The following ARHGEF38 variants were observed in gnomAD, a reference collection of about 807,000 sequenced individuals.
The protein encoded by ARHGEF38 is Rho guanine nucleotide exchange factor 38, also known as Rho guanine nucleotide exchange factor (GEF) 38.
Under a neutral mutation model 79.9 loss-of-function variants are expected in ARHGEF38, and 79 were observed. That is an observed-to-expected ratio of 0.99 (90% CI 0.82 to 1.19). ARHGEF38 has a LOEUF of 1.19. Among genes scored for constraint, ARHGEF38 ranks in the 50% most tolerant of loss-of-function variants. ARHGEF38 has a pLI of 0.00. For missense variants in ARHGEF38, 962 were observed against 907.2 expected, an observed-to-expected ratio of 1.06 and a Z score of -0.78; for synonymous variants, 366 against 328.3, an observed-to-expected ratio of 1.11 and a Z score of -1.24.
intron 1 of ARHGEF38, among the ~76,000 whole-genome samples, chr4:105,578,254 A>G (rs1186641440): frequency 1.3e-5 from 2 of 152,084 alleles, no homozygotes; most frequent in Non-Finnish European, 2.9e-5. Flanking sequence ...TGTGGAGTTA[A>G]TTTCTAGTTT....
In ARHGEF38 at chr4:105,669,204, T is replaced by TATA. The variant is rs200328033; in HGVS notation, c.2148+1501_2148+1502insATA. 2.1e-3 allele frequency among the ~76,000 whole-genome samples: 317 copies of TATA among 152,218 alleles called. 2 individuals are homozygous for TATA. The highest frequency in any genetic ancestry group is 7.4e-3 in the African/African-American group (308 of 41,536). ...AACATAGCATGTATGGTATATAGGG[T>TATA]TTTTTTCCATGTAACAATATATCTT... On this transcript the variant is annotated intron_variant, in intron 13 of 13. Transcript: ENST00000420470.
intron 2 of ARHGEF38, among the ~76,000 whole-genome samples, chr4:105,607,110 C>T (rs1182417071): frequency 2.6e-5 from 4 of 152,082 alleles, no homozygotes; most frequent in Non-Finnish European, 5.9e-5. Context: ...CAGGCCGATT[C>T]ATCCAGTGCT....
intron 4 of ARHGEF38, among the ~76,000 whole-genome samples, chr4:105,635,455 A>T (rs1479523364): frequency 6.6e-6 from 1 of 152,104 alleles, no homozygotes; most frequent in Admixed American, 6.6e-5. Context: ...TAGAAAAAAA[A>T]ACCCCATGTT....
intron 1 of ARHGEF38, among the ~76,000 whole-genome samples, chr4:105,581,014 TAGAG>T: frequency 5.3e-5 from 8 of 152,102 alleles, no homozygotes; most frequent in Non-Finnish European, 8.8e-5. Flanking sequence ...TGTAGAGGTC[TAGAG>T]GGCATAATAG....
chr4:105,653,507 G>A (rs1000117855), intron 7 of ARHGEF38, among the ~76,000 whole-genome samples: 4 of 152,032 alleles, frequency 2.6e-5, no homozygotes, highest in African/African-American at 9.7e-5. Context: ...ATGTTTAGTA[G>A]ATACGGGGTT....
Position 105,570,943 on chromosome 4 carries a change from C to T in ARHGEF38, c.196+17982C>T, listed in dbSNP as rs144101376. Reference sequence around the variant, plus strand: ...ACACAAAAGGACAAATACTGTATGACGCTACTTATATGAAGTACATACTAG... The same window carrying T: ...ACACAAAAGGACAAATACTGTATGATGCTACTTATATGAAGTACATACTAG... On this transcript the variant is annotated intron_variant, in intron 1 of 13. Transcript: ENST00000420470. Among the ~76,000 whole-genome samples the T allele has an allele frequency of 2.5e-3, 384 of 152,184 alleles. 3 individuals carry two copies. Among genetic ancestry groups the T allele is most frequent in the Non-Finnish European group, 2.2e-3 (153 of 68,006 alleles).
chr4:105,571,792 A>G (rs1305078435), intron 1 of ARHGEF38, among the ~76,000 whole-genome samples: 1 of 152,222 alleles, frequency 6.6e-6, no homozygotes, highest in Non-Finnish European at 1.5e-5. Flanking sequence ...AGATTCTAAC[A>G]ATACTGTCAG....
At chr4:105,656,791 C>A (rs910156727) in intron 9 of ARHGEF38, among the ~76,000 whole-genome samples, 1 of 152,056 alleles carries the variant, frequency 6.6e-6, no homozygotes, top group Non-Finnish European at 1.5e-5. Flanking sequence ...CATCCCCTCA[C>A]ATCAAGACGT....
intron 1 of ARHGEF38, among the ~76,000 whole-genome samples, chr4:105,553,419 A>C (rs3796915): frequency 0.055 from 8,402 of 152,270 alleles, 360 homozygotes; most frequent in East Asian, 0.18. Flanking sequence ...TAGGGGCATG[A>C]AACTATAATC....
chr4:105,681,188 A>T (rs916979809), downstream of ARHGEF38, among the ~76,000 whole-genome samples: 1 of 152,028 alleles, frequency 6.6e-6, no homozygotes, highest in South Asian at 2.1e-4. Context: ...TATTGAGATC[A>T]TAATTGAGAT....
intron 6 of ARHGEF38, among the ~76,000 whole-genome samples, chr4:105,646,041 C>T (rs1430455185): frequency 1.3e-5 from 2 of 152,204 alleles, no homozygotes; most frequent in Non-Finnish European, 2.9e-5. Context: ...GGTCCTCCCT[C>T]AGTGTGATTT....
At chr4:105,595,851 A>AT (rs1401193549) in intron 2 of ARHGEF38, among the ~76,000 whole-genome samples, 1 of 152,194 alleles carries the variant, frequency 6.6e-6, no homozygotes, top group Non-Finnish European at 1.5e-5. Context: ...ATACAGATGC[A>AT]TTTTAAAAAA....
At chr4:105,579,507 A>C (rs1726672845) in intron 1 of ARHGEF38, among the ~76,000 whole-genome samples, 1 of 152,140 alleles carries the variant, frequency 6.6e-6, no homozygotes, top group African/African-American at 2.4e-5. Flanking sequence ...TTTTGTCTTT[A>C]GTTCTGCTTA....
intron 1 of ARHGEF38, among the ~76,000 whole-genome samples, chr4:105,581,595 G>T (rs2110440775): frequency 6.6e-6 from 1 of 151,916 alleles, no homozygotes; most frequent in South Asian, 2.1e-4. Context: ...GCCATTTATT[G>T]ATTAAACAAA....
chr4:105,636,854 A>T (rs1203272898), intron 5 of ARHGEF38, among the ~76,000 whole-genome samples: 1 of 152,124 alleles, frequency 6.6e-6, no homozygotes, highest in East Asian at 1.9e-4. Flanking sequence ...TTCTAATTTC[A>T]AGTCTTGTAT....
chr4:105,645,536 T>C (rs1473319636), intron 6 of ARHGEF38, 149 bp downstream of exon 6: 1 of 699,344 alleles, frequency 1.4e-6, no homozygotes, highest in Non-Finnish European at 2.2e-6. Flanking sequence ...AAGAGTGTGG[T>C]TTTGCCTTGT....
chr4:105,565,351 G>A (rs1725834609), intron 1 of ARHGEF38, among the ~76,000 whole-genome samples: 1 of 152,106 alleles, frequency 6.6e-6, no homozygotes, highest in Non-Finnish European at 1.5e-5. Context: ...ATCTTTCTGT[G>A]GGTCAGATTT....
At chr4:105,665,357 C>T (rs931188630) in intron 10 of ARHGEF38, among the ~76,000 whole-genome samples, 2 of 151,506 alleles carry the variant, frequency 1.3e-5, no homozygotes, top group Non-Finnish European at 2.9e-5. Context: ...ATTAGCTGGG[C>T]GTGGTGATGC....
At chr4:105,638,200 C>A (rs1729476909) in intron 5 of ARHGEF38, among the ~76,000 whole-genome samples, 2 of 152,070 alleles carry the variant, frequency 1.3e-5, no homozygotes, top group South Asian at 4.1e-4. Flanking sequence ...TTATGGCAAT[C>A]AAAAATTATC....
Sources: allele counts gnomAD v4.1 joint callset (sites outside exome capture counted in the v4.1 genomes callset), GRCh38; gene constraint gnomAD v4.1.1; transcripts MANE v1.5; gene names NCBI Gene and HGNC (gene_info 2026-07-23, HGNC 2026-07-21).